The following CHD4 variants were observed in gnomAD, a reference collection of about 807,000 sequenced individuals.
CHD4 encodes ATP-dependent chromatin remodeler CHD4.
Under a neutral mutation model 235.5 loss-of-function variants are expected in CHD4, and 35 were observed. The observed-to-expected ratio is 0.15, with a 90% confidence interval of 0.11 to 0.20. CHD4 has a LOEUF of 0.20. CHD4 is among the 10% of genes least tolerant of loss of function. CHD4 has a pLI of 1.00. For missense variants in CHD4, 1,329 were observed against 2,432.3 expected (o/e 0.55, Z 9.54); for synonymous variants, 900 against 850.2 (o/e 1.06, Z -1.02).
At chr12:6,606,252 G>A (rs1475336407) in intron 2 of CHD4, 22 bp downstream of exon 2, 7 of 1,494,234 alleles carry the variant, frequency 4.7e-6, no homozygotes, top group African/African-American at 4.3e-5. Flanking sequence ...TTCCCGCCAT[G>A]GGCCCTTGGG....
chr12:6,583,390 G>GGAGGGCCAGGACTCAGGAGTGCT lies in CHD4; in HGVS notation c.3880-35_3880-13dup, dbSNP rs1443823898. On this transcript the variant is annotated splice_polypyrimidine_tract_variant and intron_variant, in intron 25 of 39. Transcript: ENST00000544040. ...ACCTCCTCTTCCTCCTGGGACAGAG[G>GGAGGGCCAGGACTCAGGAGTGCT]GAGGGCCAGGACTCAGGAGTGCTGA... 1.9e-6 allele frequency: 3 copies of GGAGGGCCAGGACTCAGGAGTGCT among 1,597,462 alleles called. No homozygotes were observed. The South Asian group carries it at 3.4e-5, about 18-fold the overall frequency.
chr12:6,592,643 AG>A, intron 18 of CHD4, 52 bp downstream of exon 18: 2 of 1,591,168 alleles, frequency 1.3e-6, no homozygotes, highest in Non-Finnish European at 1.7e-6. Flanking sequence ...AATGGGCAAC[AG>A]GAAGAATGAG....
At chr12:6,578,950 A>AAAGG (rs753762151) in intron 33 of CHD4, 33 bp from the exon 34 acceptor site, 33 of 1,588,454 alleles carry the variant, frequency 2.1e-5, no homozygotes, top group Non-Finnish European at 2.7e-5. Context: ...GACTATACCT[A>AAAGG]AAGGAAGAAC....
rs765960716 is a variant in CHD4, at chr12:6,578,845, C to T, written c.4981+1G>A. 6.2e-7 allele frequency: 1 copy of T among 1,614,108 alleles called. No homozygotes were observed. Among genetic ancestry groups the T allele is most frequent in the Non-Finnish European group, 8.5e-7 (1 of 1,179,932 alleles). ...CACAATCAACTTCTCCAAACACCCACCTTTGTCTTCTACCACAATAGGGGT... is the reference window on the plus strand; with the variant it reads ...CACAATCAACTTCTCCAAACACCCATCTTTGTCTTCTACCACAATAGGGGT... On this transcript the variant is annotated splice_donor_variant, in intron 34 of 39. Transcript: ENST00000544040. LOFTEE classifies it high-confidence loss of function.
At chr12:6,574,475 G>C (rs570052770) in intron 37 of CHD4, among the ~76,000 whole-genome samples, 3 of 152,162 alleles carry the variant, frequency 2.0e-5, no homozygotes, top group African/African-American at 7.2e-5. Flanking sequence ...GCAGAATGTT[G>C]GTTCTTAATT....
intron 2 of CHD4, 92 bp from the exon 3 acceptor site, chr12:6,602,589 C>T: frequency 3.4e-6 from 5 of 1,483,860 alleles, no homozygotes; most frequent in South Asian, 1.3e-5. Context: ...TTATTCCCCA[C>T]CTCTTGTCCC....
Position 6,593,331 on chromosome 12 carries a change from C to G in CHD4, c.2514+85G>C. 1 of 1,597,742 alleles carries G rather than the reference C, an allele frequency of 6.3e-7. No individual in the cohort carries two copies. Among genetic ancestry groups the G allele is most frequent in the Admixed American group, 1.7e-5 (1 of 59,688 alleles). ...CCTCCTCCCAGGGTTACCCTTTTGC[C>G]TCACCAGGGACCAGATCACAAGGAG... On this transcript the variant is annotated intron_variant, in intron 16 of 39. Coordinates refer to ENST00000544040, the MANE Select transcript of CHD4 (RefSeq NM_001273.5). The surrounding 1 kb of genome is among the most constrained non-coding windows in gnomAD (Gnocchi z 4.9).
intron 37 of CHD4, among the ~76,000 whole-genome samples, chr12:6,577,434 A>G (rs981531475): frequency 6.7e-6 from 1 of 149,780 alleles, no homozygotes; most frequent in Non-Finnish European, 1.5e-5. Flanking sequence ...AAAAAAAAAA[A>G]AAAAACAACC....
intron 7 of CHD4, 44 bp downstream of exon 7, chr12:6,600,882 A>G (rs1948578439): frequency 1.3e-6 from 2 of 1,535,862 alleles, no homozygotes; most frequent in Non-Finnish European, 8.7e-7. Flanking sequence ...CATCCTTTCT[A>G]TTAGACATGG....
At chr12:6,583,599 A>G in intron 25 of CHD4, 1 of 495,614 alleles carries the variant, frequency 2.0e-6, no homozygotes, top group Non-Finnish European at 3.5e-6. Flanking sequence ...CAAGAAAAAC[A>G]TGGGATAGAG....
intron 12 of CHD4, among the ~76,000 whole-genome samples, chr12:6,596,371 C>T (rs765487334): frequency 3.3e-5 from 5 of 152,084 alleles, no homozygotes; most frequent in Non-Finnish European, 5.9e-5. Flanking sequence ...GAGTGTTGGC[C>T]GGGTGCAGTG....
chr12:6,588,022 T>C, intron 23 of CHD4, 73 bp from the exon 24 acceptor site: 1 of 1,464,394 alleles, frequency 6.8e-7, no homozygotes, highest in Non-Finnish European at 9.5e-7. Flanking sequence ...TTCCACATAA[T>C]ATTCTAAATT....
At position 6,577,896 on chromosome 12, in the gene CHD4, T is replaced by C. The variant is rs751516106; in HGVS notation, c.5250A>G (p.Gln1750=). The change falls in exon 37 of 40, where the codon CAA becomes CAG. Residue 1750 remains glutamine, a synonymous_variant. Coordinates refer to ENST00000544040, the MANE Select transcript of CHD4 (RefSeq NM_001273.5). The part of the protein sequence containing the change: ...GIINHGYARW[Q]DIQNDPRYAI... ...CATAGCGTGGGTCATTCTGGATGTC[T>C]TGCCACCGGGCATAGCCATGGCTAT... 3.7e-6 allele frequency: 6 copies of C among 1,614,096 alleles called. No individual in the cohort carries two copies. The East Asian group carries it at 8.9e-5, about 24-fold the overall frequency.
intron 6 of CHD4, 98 bp downstream of exon 6, chr12:6,601,184 CCTCCTAT>C: frequency 6.5e-7 from 1 of 1,533,574 alleles, no homozygotes; most frequent in Non-Finnish European, 8.8e-7. Flanking sequence ...CTCATTCCTC[CCTCCTAT>C]CTCCTACCTT....
At chr12:6,586,467 G>A (rs771933231) in intron 25 of CHD4, among the ~76,000 whole-genome samples, 7 of 152,136 alleles carry the variant, frequency 4.6e-5, no homozygotes, top group Non-Finnish European at 7.3e-5. Flanking sequence ...GCTAACACCT[G>A]TAATTCCAGC....
At position 6,574,614 on chromosome 12, in the gene CHD4, C is replaced by T. The variant is rs369033100; in HGVS notation, c.5362-1345G>A. Among the ~76,000 whole-genome samples, 9 of 152,344 alleles carry T rather than the reference C, an allele frequency of 5.9e-5. No homozygotes were observed. In the East Asian group the frequency reaches 1.5e-3, roughly 26 times the overall value. On this transcript the variant is annotated intron_variant, in intron 37 of 39. Transcript: ENST00000544040. ...GTTCTATGCAGATGATTTGATGCTTCTCAAACATGTACCTTCAGCACTGGT... is the reference window on the plus strand; with the variant it reads ...GTTCTATGCAGATGATTTGATGCTTTTCAAACATGTACCTTCAGCACTGGT...
intron 37 of CHD4, among the ~76,000 whole-genome samples, chr12:6,575,748 C>G (rs528549617): frequency 6.6e-6 from 1 of 152,314 alleles, no homozygotes; most frequent in Admixed American, 6.5e-5. Flanking sequence ...TCCAAACTCT[C>G]TTATCTGGTG....
chr12:6,598,523 A>C, intron 10 of CHD4, 98 bp from the exon 11 acceptor site: 71 of 1,037,230 alleles, frequency 6.8e-5, no homozygotes, highest in Non-Finnish European at 9.4e-5. Flanking sequence ...TTCAGATCTC[A>C]TTTCAGACCT....
At chr12:6,600,109 C>T in intron 9 of CHD4, 97 bp from the exon 10 acceptor site, 1 of 1,575,858 alleles carries the variant, frequency 6.3e-7, no homozygotes, top group Non-Finnish European at 8.6e-7. Flanking sequence ...TCCCAAAGCT[C>T]ACAACCCGCA....
Sources: allele counts gnomAD v4.1 joint callset (sites outside exome capture counted in the v4.1 genomes callset), GRCh38; gene constraint gnomAD v4.1.1; non-coding constraint Gnocchi (gnomAD v3.1); transcripts MANE v1.5; gene names NCBI Gene and HGNC (gene_info 2026-07-23, HGNC 2026-07-21).